The following SIX6 variants were observed in gnomAD, a reference collection of about 807,000 sequenced individuals.
The protein encoded by SIX6 is homeobox protein SIX6.
A neutral mutation model predicts 23.6 loss-of-function variants in SIX6; 14 were observed. The observed-to-expected ratio is 0.59, with a 90% CI of 0.39 to 0.93. The LOEUF is 0.93. SIX6 is among the 40% of genes least tolerant of loss of function. SIX6 has a pLI of 0.00. For missense variants in SIX6, 307 were observed against 325.6 expected (o/e 0.94, Z 0.44); for synonymous variants, 128 against 144.9 (o/e 0.88, Z 0.84).
intron 1 of SIX6, 97 bp from the exon 2 acceptor site, chr14:60,510,986 CT>C: frequency 7.6e-7 from 1 of 1,308,508 alleles, no homozygotes; most frequent in Non-Finnish European, 1.1e-6. Context: ...TCGGAAGAAC[CT>C]CTAGCCGCCG....
chr14:60,511,130 G>T lies in SIX6; in HGVS notation c.619G>T (p.Ala207Ser), dbSNP rs540804738. The T allele has an allele frequency of 6.2e-7, 1 of 1,612,858 alleles. No homozygotes were observed. Among genetic ancestry groups the T allele is most frequent in the Admixed American group, 1.7e-5 (1 of 60,004 alleles). The stretch of plus-strand genomic sequence containing the variant: ...ACAGGGTTCCGGGCGGGCACTACGG[G>T]CGGAGGGCGACGGCACGCCAGAGGT... ...LSQGSGRALR[A>S]EGDGTPEVLG... The change falls in exon 2 of 2, where the codon GCG becomes TCG. Residue 207 changes from alanine to serine, a missense_variant. Transcript: ENST00000327720.
chr14:60,509,295 T>C lies in SIX6; in HGVS notation c.-104T>C. 1.0e-6 allele frequency: 1 copy of C among 1,003,638 alleles called. No individual in the cohort carries two copies. Among genetic ancestry groups the C allele is most frequent in the African/African-American group, 1.6e-5 (1 of 63,338 alleles). 62.2% of individuals were successfully genotyped at this position (1,003,638 alleles called of 1,614,324 possible). A position where few individuals can be genotyped will look rare whatever the true frequency, so the allele number is the denominator to read the frequency against. On this transcript the variant is annotated 5_prime_UTR_variant, in exon 1 of 2. Transcript: ENST00000327720. ...CCGGTAGTGTGTCCCGCTGCCCCAA[T>C]CCGCCTCATCAACAAGCGCCTGGCA...
At position 60,511,103 on chromosome 14, in the gene SIX6, T is replaced by A. The variant is rs762371105; in HGVS notation, c.592T>A (p.Ser198Thr). 1 of 1,612,804 alleles carries A rather than the reference T, an allele frequency of 6.2e-7. No individual in the cohort carries two copies. Among genetic ancestry groups the A allele is most frequent in the South Asian group, 1.1e-5 (1 of 91,056 alleles). ...CCGTAGACTCCAGCAGCAGGTCCTGTCACAGGGTTCCGGGCGGGCACTACG... is the reference window on the plus strand; with the variant it reads ...CCGTAGACTCCAGCAGCAGGTCCTGACACAGGGTTCCGGGCGGGCACTACG... Reference protein sequence around the residue: ...AKNRLQQQVLSQGSGRALRAE... With the variant: ...AKNRLQQQVLTQGSGRALRAE... The change falls in exon 2 of 2, where the codon TCA becomes ACA. Residue 198 changes from serine (S) to threonine (T), a missense_variant. Ser to Thr is a moderately conservative substitution (Grantham distance 58, BLOSUM62 1). Transcript: ENST00000327720.
chr14:60,510,966 G>A, intron 1 of SIX6, 118 bp from the exon 2 acceptor site: 1 of 1,052,964 alleles, frequency 9.5e-7, no homozygotes. Context: ...CGCCTTAACT[G>A]CTGGGGTCTT....
At position 60,509,505 on chromosome 14, in the gene SIX6, C is replaced by G. The variant is rs1325988447; in HGVS notation, c.107C>G (p.Ser36Trp). ...DVERLGRFLW[S>W]LPVAPAACEA... ...GAGCGCCTGGGTCGCTTCCTCTGGT[C>G]GCTGCCCGTGGCCCCTGCGGCCTGC... Residue 36 changes from serine (S) to tryptophan (W), a missense_variant, in exon 1 of 2, where the codon TCG becomes TGG. By Grantham distance (177) the Ser-to-Trp change is radical. Coordinates refer to ENST00000327720, the MANE Select transcript of SIX6 (RefSeq NM_007374.3). The G allele has an allele frequency of 6.2e-7, 1 of 1,604,486 alleles. No homozygotes were observed. Among genetic ancestry groups the G allele is most frequent in the Non-Finnish European group, 8.5e-7 (1 of 1,179,960 alleles).
In SIX6 at chr14:60,511,317, G is replaced by A; in HGVS notation, c.*65G>A. ...AAAACGAGAAAAACAAAATGAAAGA[G>A]GGGAAGAAGATGAGAGACCTGCAAA... On this transcript the variant is annotated 3_prime_UTR_variant, in exon 2 of 2. Coordinates refer to ENST00000327720, the MANE Select transcript of SIX6 (RefSeq NM_007374.3). The A allele has an allele frequency of 1.3e-6, 2 of 1,562,540 alleles. No homozygotes were observed. The highest frequency in any genetic ancestry group is 1.8e-6 in the Non-Finnish European group (2 of 1,134,164).
rs1041647543 is a variant in SIX6 at position 60,512,471 on chromosome 14, T to C, written c.*1219T>C. ...AACATCTTCTTGCTGCAGAATTTGG[T>C]TTTAATCAAATGAATGGTTTTTAAC... On this transcript the variant is annotated 3_prime_UTR_variant, in exon 2 of 2. Coordinates refer to ENST00000327720, the MANE Select transcript of SIX6 (RefSeq NM_007374.3). The C allele has an allele frequency of 3.3e-5, 5 of 152,172 alleles. No homozygotes were observed. Among genetic ancestry groups the C allele is most frequent in the Non-Finnish European group, 7.4e-5 (5 of 68,022 alleles). 9.4% of individuals were successfully genotyped at this position (152,172 alleles called of 1,614,324 possible). A position where few individuals can be genotyped will look rare whatever the true frequency, so the allele number is the denominator to read the frequency against.
Position 60,511,392 on chromosome 14 carries a change from C to G in SIX6, c.*140C>G, listed in dbSNP as rs934235500. Reference sequence around the variant, plus strand: ...CCAGGGACCCGCGGGCTCGGGTTGCCGTTTCCCGCCCCACCCCGCGGCCGG... The same window carrying G: ...CCAGGGACCCGCGGGCTCGGGTTGCGGTTTCCCGCCCCACCCCGCGGCCGG... On this transcript the variant is annotated 3_prime_UTR_variant, in exon 2 of 2. Coordinates refer to ENST00000327720, the MANE Select transcript of SIX6 (RefSeq NM_007374.3). The G allele has an allele frequency of 1.9e-6, 2 of 1,039,116 alleles. No homozygotes were observed. Among genetic ancestry groups the G allele is most frequent in the African/African-American group, 1.6e-5 (1 of 63,524 alleles). 64.4% of individuals were successfully genotyped at this position (1,039,116 alleles called of 1,614,324 possible). A position where few individuals can be genotyped will look rare whatever the true frequency, so the allele number is the denominator to read the frequency against.
Position 60,511,140 on chromosome 14 carries a change from A to G in SIX6, c.629A>G (p.Asp210Gly). ...GGGCGGGCACTACGGGCGGAGGGCGACGGCACGCCAGAGGTGCTGGGCGTC... is the reference window on the plus strand; with the variant it reads ...GGGCGGGCACTACGGGCGGAGGGCGGCGGCACGCCAGAGGTGCTGGGCGTC... ...GSGRALRAEGDGTPEVLGVAT... is the reference protein window; with the variant it reads ...GSGRALRAEGGGTPEVLGVAT... The change falls in exon 2 of 2, where the codon GAC becomes GGC. Residue 210 changes from aspartate to glycine, a missense_variant. By Grantham distance (94) the Asp-to-Gly change is moderately conservative. Coordinates refer to ENST00000327720, the MANE Select transcript of SIX6 (RefSeq NM_007374.3). 1 of 1,612,746 alleles carries G rather than the reference A, an allele frequency of 6.2e-7. No individual in the cohort carries two copies. Among genetic ancestry groups the G allele is most frequent in the Non-Finnish European group, 8.5e-7 (1 of 1,179,872 alleles).
At position 60,509,349 on chromosome 14, in the gene SIX6, G is replaced by T. The variant is rs780590757; in HGVS notation, c.-50G>T. On this transcript the variant is annotated 5_prime_UTR_variant, in exon 1 of 2. Transcript: ENST00000327720. Reference sequence around the variant, plus strand: ...TCAGCCAGGCCCGCGGGCATCTGCTGCGTGTCCCGCTCCGGGCTCAGTGCC... The same window carrying T: ...TCAGCCAGGCCCGCGGGCATCTGCTTCGTGTCCCGCTCCGGGCTCAGTGCC... The T allele has an allele frequency of 1.1e-5, 17 of 1,519,612 alleles. No homozygotes were observed. In the East Asian group the frequency reaches 2.5e-4, roughly 22 times the overall value. The allele number at this position is 1,519,612 out of a possible 1,614,324, so 94.1% of individuals were successfully genotyped here. A position where few individuals can be genotyped will look rare whatever the true frequency, so the allele number is the denominator to read the frequency against.
chr14:60,509,234 G>T lies in SIX6; in HGVS notation c.-165G>T, dbSNP rs1159690103. On this transcript the variant is annotated 5_prime_UTR_variant, in exon 1 of 2. Coordinates refer to ENST00000327720, the MANE Select transcript of SIX6 (RefSeq NM_007374.3). ...GGAGCCAGCACCTCCTCCAGTCGGG[G>T]TCGTCCGCTCCCGGCCGTTGAGCCA... 1 of 651,096 alleles carries T rather than the reference G, an allele frequency of 1.5e-6. No homozygotes were observed. Among genetic ancestry groups the T allele is most frequent in the Non-Finnish European group, 2.7e-6 (1 of 368,240 alleles). 40.3% of individuals were successfully genotyped at this position (651,096 alleles called of 1,614,324 possible).
chr14:60,509,169 C>T lies in SIX6; in HGVS notation c.-230C>T, dbSNP rs1324165544. 10 of 566,172 alleles carry T rather than the reference C, an allele frequency of 1.8e-5. No individual in the cohort carries two copies. The highest frequency in any genetic ancestry group is 3.1e-5 in the Non-Finnish European group (10 of 318,168). The allele number at this position is 566,172 out of a possible 1,614,324, so 35.1% of individuals were successfully genotyped here. A position where few individuals can be genotyped will look rare whatever the true frequency, so the allele number is the denominator to read the frequency against. On this transcript the variant is annotated 5_prime_UTR_variant, in exon 1 of 2. Coordinates refer to ENST00000327720, the MANE Select transcript of SIX6 (RefSeq NM_007374.3). ...CCAATAGCGGAGCCAGCTCGCCTGC[C>T]GGCGTGCCTGAGCCGAGCCGAGCCC...
At chr14:60,510,910 G>C (rs2140189288) in intron 1 of SIX6, among the ~76,000 whole-genome samples, 174 bp from the exon 2 acceptor site, 1 of 152,360 alleles carries the variant, frequency 6.6e-6, no homozygotes, top group Admixed American at 6.5e-5. Flanking sequence ...GCGGAGGGGC[G>C]GCCGCGGACT....
At position 60,511,615 on chromosome 14, in the gene SIX6, T is replaced by C; in HGVS notation, c.*363T>C. ...TCGAAAGGACGCTGTTACATATGTA[T>C]AACTTTCGCTTTAAAGTTTTTTTTT... On this transcript the variant is annotated 3_prime_UTR_variant, in exon 2 of 2. Coordinates refer to ENST00000327720, the MANE Select transcript of SIX6 (RefSeq NM_007374.3). 7.2e-6 allele frequency: 3 copies of C among 415,346 alleles called. No individual in the cohort carries two copies. The highest frequency in any genetic ancestry group is 1.3e-5 in the Non-Finnish European group (3 of 222,454). The allele number at this position is 415,346 out of a possible 1,614,324, so 25.7% of individuals were successfully genotyped here.
At position 60,511,339 on chromosome 14, in the gene SIX6, C is replaced by A; in HGVS notation, c.*87C>A. The A allele has an allele frequency of 6.8e-7, 1 of 1,471,074 alleles. No individual in the cohort carries two copies. The highest frequency in any genetic ancestry group is 1.4e-5 in the African/African-American group (1 of 72,232). The allele number at this position is 1,471,074 out of a possible 1,614,324, so 91.1% of individuals were successfully genotyped here. ...AGAGGGGAAGAAGATGAGAGACCTGCAAATCCAGCGCCACAGAAGCCAGGT... is the reference window on the plus strand; with the variant it reads ...AGAGGGGAAGAAGATGAGAGACCTGAAAATCCAGCGCCACAGAAGCCAGGT... On this transcript the variant is annotated 3_prime_UTR_variant, in exon 2 of 2. Transcript: ENST00000327720.
In SIX6 at chr14:60,511,530, C is replaced by T; in HGVS notation, c.*278C>T. The T allele has an allele frequency of 1.8e-6, 1 of 565,248 alleles. No individual in the cohort carries two copies. The highest frequency in any genetic ancestry group is 3.2e-6 in the Non-Finnish European group (1 of 315,626). 35.0% of individuals were successfully genotyped at this position (565,248 alleles called of 1,614,324 possible). Reference sequence around the variant, plus strand: ...TCCTAAGGATTTTGCTGCAAAGTCTCCTTCGGAACCCGAACTGCAAGCTGA... The same window carrying T: ...TCCTAAGGATTTTGCTGCAAAGTCTTCTTCGGAACCCGAACTGCAAGCTGA... On this transcript the variant is annotated 3_prime_UTR_variant, in exon 2 of 2. Coordinates refer to ENST00000327720, the MANE Select transcript of SIX6 (RefSeq NM_007374.3).
rs1264096732 is a variant in SIX6 at position 60,509,515 on chromosome 14, G to A, written c.117G>A (p.Val39=). 4 of 1,606,288 alleles carry A rather than the reference G, an allele frequency of 2.5e-6. No homozygotes were observed. Among genetic ancestry groups the A allele is most frequent in the Non-Finnish European group, 3.4e-6 (4 of 1,179,978 alleles). Residue 39 remains valine, a synonymous_variant, in exon 1 of 2, where the codon GTG becomes GTA. Coordinates refer to ENST00000327720, the MANE Select transcript of SIX6 (RefSeq NM_007374.3). ...GTCGCTTCCTCTGGTCGCTGCCCGT[G>A]GCCCCTGCGGCCTGCGAGGCCCTCA... is the stretch of plus-strand genomic sequence containing the variant. ...RLGRFLWSLP[V]APAACEALNK...
rs897032616 is a variant in SIX6, at chr14:60,512,821, A to G, written c.*1569A>G. ...TTTTGTTCCTAGTGAAACAGATTGC[A>G]TATTATAAAATTTGACATTGATCTT... On this transcript the variant is annotated 3_prime_UTR_variant, in exon 2 of 2. Transcript: ENST00000327720. 6.6e-6 allele frequency: 1 copy of G among 152,232 alleles called. No homozygotes were observed. Among genetic ancestry groups the G allele is most frequent in the African/African-American group, 2.4e-5 (1 of 41,458 alleles). 9.4% of individuals were successfully genotyped at this position (152,232 alleles called of 1,614,324 possible).
In SIX6 at chr14:60,511,103, T is replaced by C; in HGVS notation, c.592T>C (p.Ser198Pro). 1 of 1,612,804 alleles carries C rather than the reference T, an allele frequency of 6.2e-7. No individual in the cohort carries two copies. Among genetic ancestry groups the C allele is most frequent in the East Asian group, 2.2e-5 (1 of 44,854 alleles). Residue 198 changes from serine (S) to proline (P), a missense_variant, in exon 2 of 2, where the codon TCA becomes CCA. Coordinates refer to ENST00000327720, the MANE Select transcript of SIX6 (RefSeq NM_007374.3). ...AKNRLQQQVL[S>P]QGSGRALRAE... ...CCGTAGACTCCAGCAGCAGGTCCTG[T>C]CACAGGGTTCCGGGCGGGCACTACG...
Sources: gnomAD v4.1 joint callset for allele counts (sites outside exome capture counted in the v4.1 genomes callset) on GRCh38, gnomAD v4.1.1 for gene constraint, MANE v1.5 for transcripts, NCBI Gene and HGNC (gene_info 2026-07-23, HGNC 2026-07-21) for gene names.